The following AP1S3 variants were observed in gnomAD, a reference collection of about 807,000 sequenced individuals.
AP1S3 encodes the protein AP-1 complex subunit sigma-3.
AP1S3 carries 10 observed loss-of-function variants against 20.9 expected under a neutral mutation model. The observed-to-expected ratio is 0.48, with a 90% CI of 0.29 to 0.81. AP1S3 has a LOEUF of 0.81. AP1S3 is among the 30% of genes least tolerant of loss of function. The pLI is 0.08. For missense variants in AP1S3, 154 were observed against 183.8 expected (o/e 0.84, Z 0.94); for synonymous variants, 41 against 61.5 (o/e 0.67, Z 1.56).
chr2:223,758,547 T>C lies in AP1S3; in HGVS notation c.*168A>G. 2.2e-6 allele frequency: 3 copies of C among 1,336,428 alleles called. No homozygotes were observed. Among genetic ancestry groups the C allele is most frequent in the Non-Finnish European group, 2.9e-6 (3 of 1,043,766 alleles). The allele number at this position is 1,336,428 out of a possible 1,614,324, so 82.8% of individuals were successfully genotyped here. ...AATTTTTTTTAATAATACAGACACA[T>C]AGTAATTATAAATATGTTAAACAAC... On this transcript the variant is annotated 3_prime_UTR_variant, in exon 5 of 5. Transcript: ENST00000396654.
intron 1 of AP1S3, among the ~76,000 whole-genome samples, chr2:223,803,254 A>G (rs1691506365): frequency 6.6e-6 from 1 of 152,250 alleles, no homozygotes; most frequent in Admixed American, 6.5e-5. Flanking sequence ...ACTCTTTCAG[A>G]AAGTTAAAGC....
rs1044540833 is a variant in AP1S3 at position 223,770,367 on chromosome 2, G to C, written c.292-5017C>G. 3.2e-6 allele frequency: 5 copies of C among 1,548,264 alleles called. No individual in the cohort carries two copies. In the African/African-American group the frequency reaches 6.9e-5, roughly 21 times the overall value. On this transcript the variant is annotated intron_variant, in intron 3 of 4. Coordinates refer to ENST00000396654, the MANE Select transcript of AP1S3 (RefSeq NM_001039569.2). ...ACAGATACTAATGAAAATTCTCCAG[G>C]AACTTCTTATACCCCACTTTGACAC... is the stretch of plus-strand genomic sequence containing the variant.
intron 1 of AP1S3, among the ~76,000 whole-genome samples, chr2:223,790,461 C>T (rs886340923): frequency 6.6e-6 from 1 of 152,076 alleles, no homozygotes; most frequent in African/African-American, 2.4e-5. Context: ...TCTCAAACTC[C>T]TGACCTCAGT....
intron 1 of AP1S3, among the ~76,000 whole-genome samples, chr2:223,780,412 G>T (rs1238770665): frequency 7.9e-6 from 1 of 125,984 alleles, no homozygotes; most frequent in African/African-American, 3.0e-5. Flanking sequence ...TAGAGACGAG[G>T]TCTCCCTATG....
intron 4 of AP1S3, among the ~76,000 whole-genome samples, chr2:223,761,436 T>C (rs1455843787): frequency 6.6e-6 from 1 of 152,120 alleles, no homozygotes; most frequent in African/African-American, 2.4e-5. Context: ...CTCCCCTTCT[T>C]TTTTTTGAGA....
intron 1 of AP1S3, among the ~76,000 whole-genome samples, chr2:223,796,028 C>T (rs1691328648): frequency 6.6e-6 from 1 of 152,108 alleles, no homozygotes; most frequent in African/African-American, 2.4e-5. Flanking sequence ...CAAAAATTAG[C>T]CAGACGCGGT....
At chr2:223,815,976 G>A (rs760864451) in intron 1 of AP1S3, among the ~76,000 whole-genome samples, 9 of 152,246 alleles carry the variant, frequency 5.9e-5, no homozygotes, top group East Asian at 1.9e-4. Context: ...TGGGTATGGT[G>A]GCATATGCCT....
intron 1 of AP1S3, among the ~76,000 whole-genome samples, chr2:223,804,695 G>C (rs1168532342): frequency 6.6e-6 from 1 of 151,024 alleles, no homozygotes; most frequent in Non-Finnish European, 1.5e-5. Flanking sequence ...CTGCACTCCA[G>C]CCTGAGTGAC....
intron 1 of AP1S3, among the ~76,000 whole-genome samples, chr2:223,828,183 G>A (rs1164456644): frequency 6.6e-6 from 1 of 151,284 alleles, no homozygotes; most frequent in Non-Finnish European, 1.5e-5. Flanking sequence ...GAACCAAGCA[G>A]TCTTATTCCA....
chr2:223,835,240 G>C (rs1299196145), intron 1 of AP1S3, among the ~76,000 whole-genome samples: 1 of 152,210 alleles, frequency 6.6e-6, no homozygotes, highest in African/African-American at 2.4e-5. Flanking sequence ...GAATAGCTCA[G>C]AGTAGCTAAA....
At chr2:223,816,333 T>C (rs1691842774) in intron 1 of AP1S3, among the ~76,000 whole-genome samples, 1 of 115,738 alleles carries the variant, frequency 8.6e-6, no homozygotes, top group Admixed American at 9.7e-5. Flanking sequence ...TCCTCCCCCA[T>C]GCTTCTGAAA....
At chr2:223,782,531 C>T (rs1574699998) in intron 1 of AP1S3, among the ~76,000 whole-genome samples, 1 of 152,100 alleles carries the variant, frequency 6.6e-6, no homozygotes. Flanking sequence ...ATAGTGGATG[C>T]TTTTCTAGTT....
chr2:223,802,698 G>A (rs574398799), intron 1 of AP1S3, among the ~76,000 whole-genome samples: 1 of 152,202 alleles, frequency 6.6e-6, no homozygotes, highest in Admixed American at 6.5e-5. Flanking sequence ...CATTTACTCT[G>A]AAACATGTTG....
chr2:223,790,906 C>G (rs1347118693), intron 1 of AP1S3, among the ~76,000 whole-genome samples: 1 of 152,152 alleles, frequency 6.6e-6, no homozygotes, highest in African/African-American at 2.4e-5. Context: ...TGCACATAAA[C>G]TAGAAAATCT....
chr2:223,773,958 T>C (rs1690698950), intron 3 of AP1S3, among the ~76,000 whole-genome samples: 1 of 152,144 alleles, frequency 6.6e-6, no homozygotes, highest in African/African-American at 2.4e-5. Context: ...ATAAAATGAG[T>C]CACAAAGCAC....
intron 4 of AP1S3, among the ~76,000 whole-genome samples, chr2:223,760,684 A>G (rs1690333018): frequency 6.6e-6 from 1 of 152,256 alleles, no homozygotes; most frequent in African/African-American, 2.4e-5. Flanking sequence ...ACAAAGTTAC[A>G]AATACAAAAT....
At chr2:223,761,233 C>T (rs1455429390) in intron 4 of AP1S3, among the ~76,000 whole-genome samples, 3 of 152,216 alleles carry the variant, frequency 2.0e-5, no homozygotes, top group Non-Finnish European at 4.4e-5. Context: ...CTTCTGGATA[C>T]ATCTAGCTCT....
At chr2:223,835,620 A>C (rs1692377603) in intron 1 of AP1S3, among the ~76,000 whole-genome samples, 1 of 152,202 alleles carries the variant, frequency 6.6e-6, no homozygotes, top group Non-Finnish European at 1.5e-5. Context: ...ATGCCACTGC[A>C]CTTCAGCCTG....
intron 1 of AP1S3, among the ~76,000 whole-genome samples, chr2:223,809,867 T>C (rs1291569826): frequency 6.6e-6 from 1 of 151,448 alleles, no homozygotes. Flanking sequence ...CAGCTGGGAA[T>C]ACAGACACAC....
Sources: allele counts gnomAD v4.1 joint callset (sites outside exome capture counted in the v4.1 genomes callset), GRCh38; gene constraint gnomAD v4.1.1; transcripts MANE v1.5; gene names NCBI Gene and HGNC (gene_info 2026-07-23, HGNC 2026-07-21).